The following CCDC14 variants were observed in gnomAD, a reference collection of about 807,000 sequenced individuals.
CCDC14 encodes coiled-coil domain-containing protein 14.
A neutral mutation model predicts 81.4 loss-of-function variants in CCDC14; 71 were observed. The observed-to-expected ratio is 0.87, with a 90% CI of 0.72 to 1.06. The LOEUF is 1.06. Among genes scored for constraint, CCDC14 ranks in the 50% least tolerant of loss-of-function variants. The pLI is 0.00. For missense variants in CCDC14, 1,046 were observed against 1,047.3 expected, an observed-to-expected ratio of 1.00 and a Z score of 0.02; for synonymous variants, 332 against 364.8, an observed-to-expected ratio of 0.91 and a Z score of 1.03.
At chr3:123,887,380 T>G in the CCDC14 span, among the ~76,000 whole-genome samples, 2 of 152,184 alleles carry the variant, frequency 1.3e-5, no homozygotes, top group Admixed American at 6.5e-5. Flanking sequence ...TTCTTGCATG[T>G]TGCTTACAGT....
At chr3:123,948,298 G>A (rs1317447349) in intron 7 of CCDC14, among the ~76,000 whole-genome samples, 14 of 149,998 alleles carry the variant, frequency 9.3e-5, no homozygotes, top group African/African-American at 1.7e-4. Context: ...GTGCAGTGGC[G>A]CGATCTCACT....
chr3:123,913,549 C>T lies in CCDC14; in HGVS notation c.*1230G>A, dbSNP rs756020261. On this transcript the variant is annotated 3_prime_UTR_variant, in exon 13 of 13. Transcript: ENST00000409697. ...AAATAAAATTAAAGATGCTAATGGA[C>T]TCTTGTGTGAAATAGTTTAGAATTC... The T allele has an allele frequency of 3.4e-5, 33 of 980,674 alleles. No individual in the cohort carries two copies. The highest frequency in any genetic ancestry group is 4.7e-5 in the South Asian group (1 of 21,188). 60.7% of individuals were successfully genotyped at this position (980,674 alleles called of 1,614,324 possible).
intron 7 of CCDC14, among the ~76,000 whole-genome samples, chr3:123,947,947 G>A (rs2036754262): frequency 1.3e-5 from 2 of 151,952 alleles, no homozygotes; most frequent in Admixed American, 1.3e-4. Flanking sequence ...AATTCAAAGG[G>A]TATATATTAA....
chr3:123,906,125 C>G (rs188383010), intron 5 of CCDC14, among the ~76,000 whole-genome samples: 13 of 151,928 alleles, frequency 8.6e-5, no homozygotes, highest in Admixed American at 2.0e-4. Flanking sequence ...GTCAGGAGAT[C>G]GAGACCATCC....
chr3:123,907,649 G>C (rs994637863), intron 5 of CCDC14, among the ~76,000 whole-genome samples: 2 of 151,812 alleles, frequency 1.3e-5, no homozygotes, highest in Non-Finnish European at 2.9e-5. Context: ...AGGTTACAGT[G>C]AGCTTTGATC....
intron 8 of CCDC14, among the ~76,000 whole-genome samples, chr3:123,945,833 CTTTA>C (rs983391151): frequency 5.3e-5 from 8 of 152,074 alleles, no homozygotes; most frequent in Non-Finnish European, 8.8e-5. Flanking sequence ...TTCTACCAAT[CTTTA>C]TTTATTTATT....
At chr3:123,956,557 C>G (rs181374761) in intron 2 of CCDC14, 130 bp from the exon 3 acceptor site, 1 of 766,772 alleles carries the variant, frequency 1.3e-6, no homozygotes, top group African/African-American at 1.8e-5. Flanking sequence ...TAAACACATT[C>G]TGAAGATCAG....
At chr3:123,938,281 G>T (rs573522593) in intron 9 of CCDC14, among the ~76,000 whole-genome samples, 1 of 151,768 alleles carries the variant, frequency 6.6e-6, no homozygotes, top group Non-Finnish European at 1.5e-5. Context: ...CACTTATACT[G>T]ATCTTTAATT....
chr3:123,937,177 A>G (rs145627952), intron 9 of CCDC14, among the ~76,000 whole-genome samples: 35 of 152,224 alleles, frequency 2.3e-4, no homozygotes, highest in African/African-American at 8.4e-4. Context: ...GTGTGGACAC[A>G]TGCTTTGGCT....
chr3:123,955,536 A>C, intron 5 of CCDC14: 1 of 168,940 alleles, frequency 5.9e-6, no homozygotes, highest in Non-Finnish European at 1.3e-5. Context: ...ATTTATGATT[A>C]TCTATGAAAA....
intron 5 of CCDC14, among the ~76,000 whole-genome samples, chr3:123,904,622 GAAA>G (rs35632545): frequency 2.8e-5 from 4 of 144,530 alleles, no homozygotes; most frequent in Non-Finnish European, 4.5e-5. Flanking sequence ...TGGAAAAAAA[GAAA>G]AAAAAAAAAA....
Position 123,915,639 on chromosome 3 carries a change from T to C in CCDC14, c.1858A>G (p.Thr620Ala). 6.2e-7 allele frequency: 1 copy of C among 1,614,004 alleles called. No individual in the cohort carries two copies. Among genetic ancestry groups the C allele is most frequent in the Non-Finnish European group, 8.5e-7 (1 of 1,179,882 alleles). ...TCATGAATGTTCAAGAGTGATTTGG[T>C]AAGGTTATTCCCAGGCTTGCAGCGA... is the stretch of plus-strand genomic sequence containing the variant. ...SARCKPGNNL[T>A]KSLLNIHDKQ... The change falls in exon 13 of 13, where the codon ACC (threonine) becomes GCC (alanine). Residue 620 changes from threonine to alanine, a missense_variant. Coordinates refer to ENST00000409697, the MANE Select transcript of CCDC14 (RefSeq NM_001366335.1).
chr3:123,897,368 ATTATT>A (rs967222598), downstream of CCDC14: 6 of 156,024 alleles, frequency 3.8e-5, no homozygotes, highest in African/African-American at 1.4e-4. Context: ...AGTACAAAAT[ATTATT>A]TTAAAGTTCC....
downstream of CCDC14, among the ~76,000 whole-genome samples, chr3:123,895,902 C>A (rs1001685721): frequency 5.3e-5 from 8 of 152,204 alleles, no homozygotes; most frequent in African/African-American, 1.9e-4. Flanking sequence ...TATGATCCAG[C>A]AGTTCCACTT....
At chr3:123,891,939 G>A in the CCDC14 span, among the ~76,000 whole-genome samples, 1 of 152,170 alleles carries the variant, frequency 6.6e-6, no homozygotes, top group African/African-American at 2.4e-5. Flanking sequence ...TGGCTGGGGA[G>A]GCCTCACAAT....
At chr3:123,895,373 T>G (rs1339368419), downstream of CCDC14, among the ~76,000 whole-genome samples, 1 of 152,168 alleles carries the variant, frequency 6.6e-6, no homozygotes, top group Non-Finnish European at 1.5e-5. Flanking sequence ...TCACAATTTA[T>G]TAATCTTACA....
At chr3:123,935,956 A>G (rs2036035262) in intron 9 of CCDC14, among the ~76,000 whole-genome samples, 1 of 151,890 alleles carries the variant, frequency 6.6e-6, no homozygotes, top group Non-Finnish European at 1.5e-5. Context: ...CATTTTTTCC[A>G]TCTAGTCTGA....
At chr3:123,923,196 A>C (rs2035155595) in intron 12 of CCDC14, among the ~76,000 whole-genome samples, 1 of 152,120 alleles carries the variant, frequency 6.6e-6, no homozygotes, top group Non-Finnish European at 1.5e-5. Flanking sequence ...ATCATCGCAA[A>C]AGATGCAGAA....
At chr3:123,906,489 A>G (rs964580816) in intron 5 of CCDC14, among the ~76,000 whole-genome samples, 2 of 151,832 alleles carry the variant, frequency 1.3e-5, no homozygotes, top group Non-Finnish European at 2.9e-5. Context: ...CATAGGAGAG[A>G]GAAAAAGAAA....
Sources: gnomAD v4.1 joint callset for allele counts (sites outside exome capture counted in the v4.1 genomes callset) on GRCh38, gnomAD v4.1.1 for gene constraint, MANE v1.5 for transcripts, NCBI Gene and HGNC (gene_info 2026-07-23, HGNC 2026-07-21) for gene names.